TAF2: variants seen among roughly 807,000 people sequenced by gnomAD.
TAF2 encodes TATA-box binding protein associated factor 2.
In TAF2, 61 loss-of-function variants were observed where a neutral mutation model predicts 138.5. The ratio of observed to expected loss-of-function variants is 0.44; its 90% confidence interval spans 0.36 to 0.54. The LOEUF (loss-of-function observed/expected upper bound fraction) is 0.54, where lower values mean the gene tolerates loss of function less well. TAF2 is among the 20% of genes least tolerant of loss of function. TAF2 has a pLI of 0.00. For missense variants in TAF2, 1,090 were observed against 1,427.9 expected, an observed-to-expected ratio of 0.76 and a Z score of 3.81; for synonymous variants, 475 against 469.9, an observed-to-expected ratio of 1.01 and a Z score of -0.14.
Position 119,781,197 on chromosome 8 carries a change from C to T in TAF2, c.2113-4G>A. ...TGCTCACCATTGAATTTGCAATCTG[C>T]AAATAATTAGAAAACAAAGTAATTT... On this transcript the variant is annotated splice_polypyrimidine_tract_variant and splice_region_variant and intron_variant, in intron 16 of 25. Transcript: ENST00000378164. 5 of 1,613,838 alleles carry T rather than the reference C, an allele frequency of 3.1e-6. No individual in the cohort carries two copies. The highest frequency in any genetic ancestry group is 4.2e-6 in the Non-Finnish European group (5 of 1,179,928).
intron 25 of TAF2, among the ~76,000 whole-genome samples, chr8:119,738,319 T>A (rs1489924998): frequency 2.0e-5 from 3 of 152,186 alleles, no homozygotes; most frequent in Non-Finnish European, 4.4e-5. Context: ...TGAGGTCATC[T>A]ATAGAACTCT....
chr8:119,785,795 G>A (rs1474260467), intron 14 of TAF2, among the ~76,000 whole-genome samples: 1 of 152,032 alleles, frequency 6.6e-6, no homozygotes, highest in Non-Finnish European at 1.5e-5. Flanking sequence ...ACTGGGGAAG[G>A]GCAAATAAAA....
At chr8:119,830,700 T>C (rs987693439) in intron 2 of TAF2, among the ~76,000 whole-genome samples, 3 of 152,224 alleles carry the variant, frequency 2.0e-5, no homozygotes, top group Non-Finnish European at 2.9e-5. Context: ...TATACATACA[T>C]GGGTAACAAA....
At chr8:119,816,799 A>G (rs1368692873) in intron 3 of TAF2, among the ~76,000 whole-genome samples, 1 of 152,220 alleles carries the variant, frequency 6.6e-6, no homozygotes, top group Admixed American at 6.5e-5. Flanking sequence ...TCAGAAATAT[A>G]AGACACAAAT....
At position 119,791,482 on chromosome 8, in the gene TAF2, C is replaced by T. The variant is rs775069824; in HGVS notation, c.1278-23G>A. ...GGACTAAAAAAAATAAACACATTTA[C>T]CTAATACAGCAAATGTGACTATTAA... On this transcript the variant is annotated intron_variant, in intron 10 of 25. Coordinates refer to ENST00000378164, the MANE Select transcript of TAF2 (RefSeq NM_003184.4). 19 of 1,607,798 alleles carry T rather than the reference C, an allele frequency of 1.2e-5. 1 individual carries two copies. In the East Asian group the frequency reaches 2.2e-4, roughly 19 times the overall value.
intron 2 of TAF2, among the ~76,000 whole-genome samples, chr8:119,830,275 G>A (rs1826363720): frequency 6.6e-6 from 1 of 151,890 alleles, no homozygotes; most frequent in Non-Finnish European, 1.5e-5. Flanking sequence ...TATCTCACAG[G>A]GTAATTATGA....
Position 119,788,787 on chromosome 8 carries a change from T to G in TAF2, c.1683+3A>C, listed in dbSNP as rs1408982062. On this transcript the variant is annotated splice_donor_region_variant and intron_variant, in intron 13 of 25. Coordinates refer to ENST00000378164, the MANE Select transcript of TAF2 (RefSeq NM_003184.4). ...ACAAAGGCGATTTTGGAAAAAGACT[T>G]ACCACGTATTTCTGAGTTCCAGGAG... 1 of 1,607,622 alleles carries G rather than the reference T, an allele frequency of 6.2e-7. No individual in the cohort carries two copies. Among genetic ancestry groups the G allele is most frequent in the Non-Finnish European group, 8.5e-7 (1 of 1,174,128 alleles).
intron 5 of TAF2, 71 bp from the exon 6 acceptor site, chr8:119,802,096 T>C: frequency 7.9e-7 from 1 of 1,272,648 alleles, no homozygotes; most frequent in Non-Finnish European, 1.1e-6. Context: ...CACATGCAAG[T>C]TATTTTAGCA....
chr8:119,793,334 T>C (rs752331060), intron 10 of TAF2, 32 bp downstream of exon 10: 1 of 1,554,798 alleles, frequency 6.4e-7, no homozygotes, highest in Non-Finnish European at 8.9e-7. Flanking sequence ...ATAGTCAAGG[T>C]TTATAATATC....
At chr8:119,783,302 T>G (rs1822798952) in intron 16 of TAF2, 79 bp downstream of exon 16, 1 of 1,531,344 alleles carries the variant, frequency 6.5e-7, no homozygotes, top group Non-Finnish European at 8.8e-7. Flanking sequence ...ATTTAAAGAC[T>G]AGGTGAATTT....
At chr8:119,818,205 C>T (rs1825599016) in intron 3 of TAF2, among the ~76,000 whole-genome samples, 1 of 152,208 alleles carries the variant, frequency 6.6e-6, no homozygotes, top group Non-Finnish European at 1.5e-5. Flanking sequence ...CTTCTTAAAA[C>T]ACAAACTGTA....
chr8:119,762,372 G>T (rs1340038005), intron 19 of TAF2, 43 bp downstream of exon 19: 1 of 1,576,578 alleles, frequency 6.3e-7, no homozygotes, highest in Non-Finnish European at 8.7e-7. Context: ...TTCTTTTACA[G>T]TTATAAGAAC....
rs763560798 is a variant in TAF2, at chr8:119,803,923, TC to T, written c.514del (p.Glu172ArgfsTer33). 1 of 1,614,052 alleles carries T rather than the reference TC, an allele frequency of 6.2e-7. No individual in the cohort carries two copies. Among genetic ancestry groups the T allele is most frequent in the East Asian group, 2.2e-5 (1 of 44,840 alleles). The stretch of plus-strand genomic sequence containing the variant: ...ACAAGAGAAAACATGAGCACCTCTC[TC>T]TGCCATACTTCCCTCTACACTGGGT... ...VVPSVEGSMAERGAHVFSCGY... is the reference protein window; with the variant it reads ...VVPSVEGSMAXRGAHVFSCGY... On this transcript the variant is annotated frameshift_variant, in exon 5 of 26. Coordinates refer to ENST00000378164, the MANE Select transcript of TAF2 (RefSeq NM_003184.4). LOFTEE classifies it high-confidence loss of function.
rs564659237 is a variant in TAF2, at chr8:119,748,930, A to C, written c.2879-1996T>G. ...CATTTTATCAGTTAAAAAAAAAAAA[A>C]CAAAAAACAGAACAGAACAGTTTAG... On this transcript the variant is annotated intron_variant, in intron 22 of 25. Transcript: ENST00000378164. Among the ~76,000 whole-genome samples the C allele has an allele frequency of 4.8e-5, 4 of 82,876 alleles. No homozygotes were observed. In the South Asian group the frequency reaches 8.2e-4, roughly 17 times the overall value. 54.4% of individuals were successfully genotyped at this position (82,876 alleles called of 152,430 possible).
chr8:119,791,454 G>A lies in TAF2; in HGVS notation c.1283C>T (p.Ala428Val), dbSNP rs1021886870. 5.0e-6 allele frequency: 8 copies of A among 1,612,792 alleles called. No individual in the cohort carries two copies. Among genetic ancestry groups the A allele is most frequent in the Admixed American group, 3.3e-5 (2 of 59,928 alleles). ...CTTTATTGAAAAGTGTAGATGGGAAGCCGGACTAAAAAAAATAAACACATT... is the reference window on the plus strand; with the variant it reads ...CTTTATTGAAAAGTGTAGATGGGAAACCGGACTAAAAAAAATAAACACATT... Reference protein sequence around the residue: ...FGGGKEKDNPASHLHFSIKHP... With the variant: ...FGGGKEKDNPVSHLHFSIKHP... The change falls in exon 11 of 26, where the codon GCT becomes GTT. Residue 428 changes from alanine (A) to valine (V), a missense_variant. Physicochemically the swap from Ala to Val is moderately conservative, Grantham distance 64. Transcript: ENST00000378164.
At chr8:119,800,425 A>G (rs368405239) in intron 6 of TAF2, among the ~76,000 whole-genome samples, 1 of 151,944 alleles carries the variant, frequency 6.6e-6, no homozygotes, top group Non-Finnish European at 1.5e-5. Context: ...TCTTGTTTTT[A>G]TCAGGTTTGT....
intron 6 of TAF2, 87 bp from the exon 7 acceptor site, chr8:119,797,933 A>C: frequency 1.7e-6 from 2 of 1,206,020 alleles, no homozygotes; most frequent in Non-Finnish European, 2.4e-6. Context: ...CTATAAATAA[A>C]TGTTCTCATA....
chr8:119,787,438 C>T (rs1379614348), intron 14 of TAF2, among the ~76,000 whole-genome samples: 1 of 151,724 alleles, frequency 6.6e-6, no homozygotes, highest in Non-Finnish European at 1.5e-5. Flanking sequence ...AAGATATGAA[C>T]AGACACTTCT....
chr8:119,748,572 A>C (rs1009799796), intron 22 of TAF2, among the ~76,000 whole-genome samples: 4 of 152,104 alleles, frequency 2.6e-5, no homozygotes, highest in Non-Finnish European at 5.9e-5. Context: ...CAAGTAATGG[A>C]AAAAACATTA....
Sources: gnomAD v4.1 joint callset for allele counts (sites outside exome capture counted in the v4.1 genomes callset) on GRCh38, gnomAD v4.1.1 for gene constraint, MANE v1.5 for transcripts, NCBI Gene and HGNC (gene_info 2026-07-23, HGNC 2026-07-21) for gene names.